Variants in DPRX observed in about 807,000 individuals in gnomAD.
The protein encoded by DPRX is divergent paired-related homeobox.
A neutral mutation model predicts 8.4 loss-of-function variants in DPRX; 11 were observed. The observed-to-expected ratio is 1.31, with a 90% CI of 0.82 to 2.17. The LOEUF (loss-of-function observed/expected upper bound fraction) is 2.17. Ranked by LOEUF, DPRX falls within the 30% of genes most tolerant of loss-of-function variation. The pLI, the probability that DPRX is intolerant of heterozygous loss-of-function variation, is 0.00. For missense variants in DPRX, 211 were observed against 236.7 expected, an observed-to-expected ratio of 0.89 and a Z score of 0.71; for synonymous variants, 72 against 87.0, an observed-to-expected ratio of 0.83 and a Z score of 0.96.
chr19:53,605,619 G>A, the DPRX span, among the ~76,000 whole-genome samples: 2 of 151,938 alleles, frequency 1.3e-5, no homozygotes, highest in Non-Finnish European at 2.9e-5. Flanking sequence ...ATCAGGCACT[G>A]CACCCCGCCC....
the DPRX span, among the ~76,000 whole-genome samples, chr19:53,605,377 A>ATTT: frequency 2.2e-5 from 3 of 138,094 alleles, no homozygotes; most frequent in Non-Finnish European, 3.2e-5. Context: ...CACCCAGCTA[A>ATTT]TTTTTTTTTT....
At chr19:53,616,200 C>T in the DPRX span, among the ~76,000 whole-genome samples, 30 of 151,688 alleles carry the variant, frequency 2.0e-4, no homozygotes, top group Non-Finnish European at 4.0e-4. Flanking sequence ...TGCAGTGACC[C>T]GAGATTGCGC....
chr19:53,624,889 AT>A, the DPRX span, among the ~76,000 whole-genome samples: 1 of 151,762 alleles, frequency 6.6e-6, no homozygotes, highest in Non-Finnish European at 1.5e-5. Context: ...GGAAATACAA[AT>A]CAGATGAGAT....
the DPRX span, among the ~76,000 whole-genome samples, chr19:53,624,038 T>A: frequency 2.0e-5 from 3 of 151,184 alleles, no homozygotes; most frequent in Non-Finnish European, 4.4e-5. Flanking sequence ...AAATATGCGA[T>A]GTAAAGAGTG....
At chr19:53,632,156 C>T in intron 1 of DPRX, 22 bp downstream of exon 1, 3 of 1,613,902 alleles carry the variant, frequency 1.9e-6, no homozygotes, top group Non-Finnish European at 2.5e-6. Flanking sequence ...AAAATGAGAA[C>T]CGAAGCAAAG....
At chr19:53,617,596 T>C in the DPRX span, among the ~76,000 whole-genome samples, 3 of 147,336 alleles carry the variant, frequency 2.0e-5, no homozygotes, top group Non-Finnish European at 4.5e-5. Context: ...AAGAAATCAG[T>C]GCATACTGGA....
chr19:53,602,251 CAT>C, the DPRX span: 2 of 356,918 alleles, frequency 5.6e-6, no homozygotes, highest in Admixed American at 3.1e-5. Flanking sequence ...TCCCCCAAAC[CAT>C]ATATATGGGT....
At chr19:53,620,280 A>G in the DPRX span, among the ~76,000 whole-genome samples, 1 of 151,966 alleles carries the variant, frequency 6.6e-6, no homozygotes, top group Non-Finnish European at 1.5e-5. Context: ...CATGTTAGCC[A>G]GGATGGTCTC....
chr19:53,617,063 G>A, the DPRX span: 1 of 1,280,296 alleles, frequency 7.8e-7, no homozygotes, highest in African/African-American at 1.5e-5. Flanking sequence ...TATTATGGAA[G>A]GACTTGGATC....
chr19:53,602,074 A>G, the DPRX span: 1 of 456,688 alleles, frequency 2.2e-6, no homozygotes, highest in Non-Finnish European at 4.4e-6. Flanking sequence ...ACCAGCAGCA[A>G]CACAGCCGCT....
upstream of DPRX, among the ~76,000 whole-genome samples, chr19:53,628,611 C>T (rs1003707112): frequency 2.6e-5 from 4 of 151,416 alleles, no homozygotes; most frequent in East Asian, 3.9e-4. Flanking sequence ...TTTTTTGAGA[C>T]AGAGTTTCGC....
upstream of DPRX, among the ~76,000 whole-genome samples, chr19:53,627,335 T>C (rs1385441937): frequency 3.3e-5 from 5 of 152,024 alleles, no homozygotes; most frequent in Non-Finnish European, 5.9e-5. Flanking sequence ...TAAGCATCAC[T>C]GAGAACACTT....
At chr19:53,612,723 A>G in the DPRX span, among the ~76,000 whole-genome samples, 2 of 152,242 alleles carry the variant, frequency 1.3e-5, no homozygotes, top group African/African-American at 2.4e-5. Context: ...AAAAAAAGAA[A>G]AAAAAGACCC....
intron 1 of DPRX, among the ~76,000 whole-genome samples, chr19:53,633,647 C>T (rs1228769857): frequency 3.3e-5 from 5 of 152,016 alleles, no homozygotes; most frequent in African/African-American, 4.8e-5. Flanking sequence ...GTAGCTGGGA[C>T]TACAGGCGTG....
the DPRX span, among the ~76,000 whole-genome samples, chr19:53,624,187 A>C: frequency 1.6e-4 from 23 of 140,410 alleles, no homozygotes; most frequent in East Asian, 5.0e-3. Context: ...TCCCAGGTTC[A>C]AGCAATCCTT....
At chr19:53,632,129 G>A (rs775526576) in exon 1 of DPRX, 3 of 1,613,776 alleles carry the variant, frequency 1.9e-6, no homozygotes, top group East Asian at 2.2e-5. Context: ...GAGGATCTTC[G>A]TAAAGGTAAG....
chr19:53,617,397 A>G, the DPRX span: 170 of 421,688 alleles, frequency 4.0e-4, 1 homozygote, highest in East Asian at 4.2e-3. Flanking sequence ...CATCCCTACT[A>G]CAAATACAAA....
chr19:53,607,298 C>T, the DPRX span, among the ~76,000 whole-genome samples: 4 of 152,222 alleles, frequency 2.6e-5, no homozygotes, highest in Non-Finnish European at 5.9e-5. Context: ...ATGGCTCACG[C>T]CTATAATCCC....
the DPRX span, among the ~76,000 whole-genome samples, chr19:53,625,305 G>T: frequency 1.3e-5 from 2 of 151,780 alleles, no homozygotes; most frequent in African/African-American, 4.8e-5. Flanking sequence ...CTCCCGCCTC[G>T]GCCTCTCACT....
Sources: gnomAD v4.1 joint callset for allele counts (sites outside exome capture counted in the v4.1 genomes callset) on GRCh38, gnomAD v4.1.1 for gene constraint, MANE v1.5 for transcripts, NCBI Gene and HGNC (gene_info 2026-07-23, HGNC 2026-07-21) for gene names.